The following FER1L6 variants were observed in gnomAD, a reference collection of about 807,000 sequenced individuals.
The protein encoded by FER1L6 is fer-1 like family member 6.
A neutral mutation model predicts 219.2 loss-of-function variants in FER1L6; 177 were observed. The observed-to-expected ratio is 0.81, with a 90% confidence interval of 0.71 to 0.91. The LOEUF (loss-of-function observed/expected upper bound fraction) is 0.91. Among genes scored for constraint, FER1L6 ranks in the 40% least tolerant of loss-of-function variants. FER1L6 has a pLI of 0.00. For synonymous variants in FER1L6, 768 were observed against 824.3 expected (o/e 0.93, Z 1.17); for missense variants, 2,153 against 2,259.9 (o/e 0.95, Z 0.96).
chr8:123,973,759 C>G (rs1473585115), intron 7 of FER1L6, among the ~76,000 whole-genome samples: 1 of 152,058 alleles, frequency 6.6e-6, no homozygotes, highest in Non-Finnish European at 1.5e-5. Context: ...GAGATATGGA[C>G]AGGAGAGGCA....
chr8:124,013,608 C>T lies in FER1L6; in HGVS notation c.1922+77C>T, dbSNP rs578055695. 5.0e-5 allele frequency: 46 copies of T among 914,534 alleles called. 1 individual carries two copies. Among genetic ancestry groups the T allele is most frequent in the African/African-American group, 3.0e-4 (18 of 59,350 alleles). 56.7% of individuals were successfully genotyped at this position (914,534 alleles called of 1,614,324 possible). ...CTTTTAATTACCTTGAGAAAGTCGT[C>T]GATTTCACATGCATTCAAATGGGTG... On this transcript the variant is annotated intron_variant, in intron 15 of 40. Transcript: ENST00000522917.
At chr8:123,920,368 G>A (rs1044567186) in intron 1 of FER1L6, among the ~76,000 whole-genome samples, 1 of 152,228 alleles carries the variant, frequency 6.6e-6, no homozygotes, top group Non-Finnish European at 1.5e-5. Context: ...GACCCTGGAT[G>A]GCCCCATCAT....
chr8:124,035,460 G>T lies in FER1L6; in HGVS notation c.2464+6G>T. The T allele has an allele frequency of 6.2e-7, 1 of 1,610,276 alleles. No homozygotes were observed. Among genetic ancestry groups the T allele is most frequent in the Non-Finnish European group, 8.5e-7 (1 of 1,178,652 alleles). On this transcript the variant is annotated splice_donor_region_variant and intron_variant, in intron 19 of 40. Coordinates refer to ENST00000522917, the MANE Select transcript of FER1L6 (RefSeq NM_001039112.2). ...ATCTAACCTGCTCTACCAAGGTAGGGTCCCCACTGGGCAAAGAGGGTCATT... is the reference window on the plus strand; with the variant it reads ...ATCTAACCTGCTCTACCAAGGTAGGTTCCCCACTGGGCAAAGAGGGTCATT...
At chr8:124,017,600 T>G (rs1432330040) in intron 15 of FER1L6, 28 bp from the exon 16 acceptor site, 5 of 1,537,162 alleles carry the variant, frequency 3.3e-6, no homozygotes, top group Non-Finnish European at 4.5e-6. Flanking sequence ...ACTAAGTAGG[T>G]TTCAAAATTG....
intron 37 of FER1L6, among the ~76,000 whole-genome samples, chr8:124,099,777 C>CCT (rs147503968): frequency 4.0e-5 from 6 of 151,826 alleles, no homozygotes; most frequent in Admixed American, 2.0e-4. Context: ...CTAGCCCCTG[C>CCT]CTCTCTCTCT....
Position 123,966,036 on chromosome 8 carries a change from G to T in FER1L6, c.227G>T (p.Gly76Val), listed in dbSNP as rs1480438779. Residue 76 changes from glycine (G) to valine (V), a missense_variant, in exon 4 of 41, where the codon GGG becomes GTG. Gly to Val is a moderately radical substitution (Grantham distance 109, BLOSUM62 -3). Coordinates refer to ENST00000522917, the MANE Select transcript of FER1L6 (RefSeq NM_001039112.2). ...RSKLLTKIHD[G>V]EVRSQNYQIA... is the part of the protein sequence containing the mutation. ...AAACTGTTGACTAAGATCCATGATG[G>T]GGAGGTCAGATCCCAAAATTATCAA... The T allele has an allele frequency of 6.2e-7, 1 of 1,613,422 alleles. No homozygotes were observed. Among genetic ancestry groups the T allele is most frequent in the Admixed American group, 1.7e-5 (1 of 59,958 alleles).
intron 13 of FER1L6, 92 bp from the exon 14 acceptor site, chr8:124,010,502 C>T: frequency 6.8e-7 from 1 of 1,479,926 alleles, no homozygotes; most frequent in East Asian, 2.3e-5. Context: ...CTCCCGAGTC[C>T]TGCCCAGAAC....
At chr8:123,871,781 G>A (rs1357405106) in intron 1 of FER1L6, among the ~76,000 whole-genome samples, 1 of 152,150 alleles carries the variant, frequency 6.6e-6, no homozygotes, top group African/African-American at 2.4e-5. Context: ...TCACTTTAAA[G>A]TGGAGAACCC....
chr8:124,071,678 G>A (rs763236303), intron 31 of FER1L6, 47 bp downstream of exon 31: 2 of 1,576,328 alleles, frequency 1.3e-6, no homozygotes, highest in South Asian at 2.3e-5. Flanking sequence ...ATCTGCTCAG[G>A]CTGCCATAAC....
At chr8:124,055,023 G>A (rs1820218694) in intron 22 of FER1L6, among the ~76,000 whole-genome samples, 1 of 152,184 alleles carries the variant, frequency 6.6e-6, no homozygotes, top group Admixed American at 6.5e-5. Context: ...AGGAAGAGAG[G>A]TGGGCTCTGC....
At chr8:123,883,069 C>T (rs936391046) in intron 1 of FER1L6, among the ~76,000 whole-genome samples, 7 of 152,098 alleles carry the variant, frequency 4.6e-5, no homozygotes, top group Non-Finnish European at 7.4e-5. Context: ...TTAAAGAATT[C>T]ACCACCACCA....
chr8:123,906,593 A>G (rs758797690), intron 1 of FER1L6, among the ~76,000 whole-genome samples: 1 of 152,072 alleles, frequency 6.6e-6, no homozygotes, highest in Non-Finnish European at 1.5e-5. Flanking sequence ...TGTGGTCAGG[A>G]GTTCAAGACC....
In FER1L6 at chr8:123,852,140, C is replaced by G. The variant is rs1816520048; in HGVS notation, c.-53C>G. On this transcript the variant is annotated 5_prime_UTR_variant, in exon 1 of 41. In the 5' UTR this introduces an upstream ATG that the reference lacks. Transcript: ENST00000522917. This position sits in a 1 kb window ranked among gnomAD's most constrained non-coding sequence, Gnocchi z 4.9. ...TTTGCTGTGAAGTGAGTCCCTTGAT[C>G]AGAGCAATGCTGTGTGGACCATCGT... 1 of 152,220 alleles carries G rather than the reference C, an allele frequency of 6.6e-6. No homozygotes were observed. Among genetic ancestry groups the G allele is most frequent in the African/African-American group, 2.4e-5 (1 of 41,442 alleles). 9.4% of individuals were successfully genotyped at this position (152,220 alleles called of 1,614,324 possible).
chr8:123,886,700 T>C (rs1411006091), intron 1 of FER1L6, among the ~76,000 whole-genome samples: 1 of 152,194 alleles, frequency 6.6e-6, no homozygotes, highest in Non-Finnish European at 1.5e-5. Context: ...CCTCTTTCAC[T>C]CTCTAATGTG....
At chr8:123,899,573 T>A (rs1225558512) in intron 1 of FER1L6, among the ~76,000 whole-genome samples, 2 of 152,210 alleles carry the variant, frequency 1.3e-5, no homozygotes, top group Non-Finnish European at 2.9e-5. Flanking sequence ...TTCTTGGTCA[T>A]GAAATCCTTG....
intron 1 of FER1L6, among the ~76,000 whole-genome samples, chr8:123,881,307 A>G (rs4466383): frequency 0.77 from 116,797 of 152,020 alleles, 45,113 homozygotes; most frequent in South Asian, 0.86. Context: ...AGGGTAGGGT[A>G]GAATGGTGGG....
Position 123,895,812 on chromosome 8 carries a change from G to A in FER1L6, c.-8+43627G>A, listed in dbSNP as rs201677463. Among the ~76,000 whole-genome samples the A allele has an allele frequency of 3.9e-5, 6 of 152,238 alleles. No homozygotes were observed. In the East Asian group the frequency reaches 1.2e-3, roughly 29 times the overall value. ...CACAGGCAGCATTAACTATTGTCTC[G>A]CCCATTGCTCAGCTCAGTGTAACAA... On this transcript the variant is annotated intron_variant, in intron 1 of 40. Coordinates refer to ENST00000522917, the MANE Select transcript of FER1L6 (RefSeq NM_001039112.2).
At chr8:123,958,871 T>C (rs1295766196) in intron 2 of FER1L6, among the ~76,000 whole-genome samples, 1 of 151,326 alleles carries the variant, frequency 6.6e-6, no homozygotes, top group Non-Finnish European at 1.5e-5. Context: ...GAGGGATGCC[T>C]GTGAAAAATT....
rs1324908692 is a variant in FER1L6, at chr8:124,119,594, C to T, written c.5391-13C>T. On this transcript the variant is annotated splice_polypyrimidine_tract_variant and intron_variant, in intron 40 of 40. Coordinates refer to ENST00000522917, the MANE Select transcript of FER1L6 (RefSeq NM_001039112.2). ...GATGCCCCCTTTTTGATTTTCTCTTCCTTCCCCCTCAGCCGCCCAGACACC... is the reference window on the plus strand; with the variant it reads ...GATGCCCCCTTTTTGATTTTCTCTTTCTTCCCCCTCAGCCGCCCAGACACC... 7 of 1,590,334 alleles carry T rather than the reference C, an allele frequency of 4.4e-6. No homozygotes were observed. The Admixed American group carries it at 8.4e-5, about 19-fold the overall frequency.
Sources: allele counts gnomAD v4.1 joint callset (sites outside exome capture counted in the v4.1 genomes callset), GRCh38; gene constraint gnomAD v4.1.1; non-coding constraint Gnocchi (gnomAD v3.1); transcripts MANE v1.5; gene names NCBI Gene and HGNC (gene_info 2026-07-23, HGNC 2026-07-21).